Variants in OR9Q1 observed in about 807,000 individuals in gnomAD.
OR9Q1 encodes the protein olfactory receptor family 9 subfamily Q member 1, also known as olfactory receptor 9Q1.
For synonymous variants in OR9Q1, 153 were observed against 148.6 expected, an observed-to-expected ratio of 1.03 and a Z score of -0.22; for missense variants, 374 against 378.8, an observed-to-expected ratio of 0.99 and a Z score of 0.11.
Position 58,176,288 on chromosome 11 carries a change from T to C in OR9Q1, c.-14-3143T>C, listed in dbSNP as rs540389006. Reference sequence around the variant, plus strand: ...CCATGCAGAACTAGGATTCAGGCCTTTTAAACCCCACTCAGTGGGTGCATG... The same window carrying C: ...CCATGCAGAACTAGGATTCAGGCCTCTTAAACCCCACTCAGTGGGTGCATG... On this transcript the variant is annotated intron_variant, in intron 2 of 2. Coordinates refer to ENST00000335397, the MANE Select transcript of OR9Q1 (RefSeq NM_001005212.4). Among the ~76,000 whole-genome samples the C allele has an allele frequency of 1.3e-3, 199 of 152,328 alleles. 2 individuals carry two copies. In the Middle Eastern group the frequency reaches 0.017, roughly 13 times the overall value.
chr11:58,024,936 T>C (rs1852956458), intron 1 of OR9Q1, among the ~76,000 whole-genome samples: 1 of 152,124 alleles, frequency 6.6e-6, no homozygotes, highest in Non-Finnish European at 1.5e-5. Context: ...TGGCACGGTG[T>C]GGAGGCTTTT....
intron 2 of OR9Q1, among the ~76,000 whole-genome samples, chr11:58,133,794 T>C (rs915364949): frequency 3.3e-5 from 5 of 152,138 alleles, no homozygotes; most frequent in Admixed American, 3.3e-4. Context: ...GCCATTGACG[T>C]TATAGAGAGA....
At chr11:58,104,952 C>T (rs1853826157) in intron 2 of OR9Q1, among the ~76,000 whole-genome samples, 4 of 152,018 alleles carry the variant, frequency 2.6e-5, no homozygotes, top group Admixed American at 2.6e-4. Flanking sequence ...CTGCAGAAAA[C>T]CTAACCAATT....
intron 2 of OR9Q1, chr11:58,078,671 G>A (rs1382824097): frequency 1.3e-5 from 2 of 152,134 alleles, no homozygotes; most frequent in African/African-American, 4.8e-5. Flanking sequence ...TGTGGACAAG[G>A]TATTATTCTT....
Position 58,096,367 on chromosome 11 carries a change from C to T in OR9Q1, c.-15+40420C>T, listed in dbSNP as rs547656377. Reference sequence around the variant, plus strand: ...CCAGAAAATCCCTTCCTGTCCCTGTCCAGACAATCATTCTTCCTCCACCCT... The same window carrying T: ...CCAGAAAATCCCTTCCTGTCCCTGTTCAGACAATCATTCTTCCTCCACCCT... On this transcript the variant is annotated intron_variant, in intron 2 of 2. Transcript: ENST00000335397. Among the ~76,000 whole-genome samples the T allele has an allele frequency of 1.2e-4, 19 of 152,286 alleles. No individual in the cohort carries two copies. The East Asian group carries it at 3.3e-3, about 26-fold the overall frequency.
chr11:58,129,423 A>C (rs1392689878), intron 2 of OR9Q1, among the ~76,000 whole-genome samples: 1 of 152,122 alleles, frequency 6.6e-6, no homozygotes, highest in Non-Finnish European at 1.5e-5. Flanking sequence ...AACCTACATC[A>C]GATTCTGTAA....
At chr11:58,071,546 T>C (rs1853488046) in intron 2 of OR9Q1, among the ~76,000 whole-genome samples, 1 of 151,986 alleles carries the variant, frequency 6.6e-6, no homozygotes, top group African/African-American at 2.4e-5. Context: ...GGAAAGAGCC[T>C]AGCGAAGTAG....
chr11:58,145,524 T>C (rs189999488), intron 2 of OR9Q1: 1 of 152,246 alleles, frequency 6.6e-6, no homozygotes, highest in African/African-American at 2.4e-5. Flanking sequence ...TACAAAGACA[T>C]ATTGAGGCAG....
At chr11:58,138,927 C>A (rs1395003754) in intron 2 of OR9Q1, among the ~76,000 whole-genome samples, 1 of 152,098 alleles carries the variant, frequency 6.6e-6, no homozygotes, top group Non-Finnish European at 1.5e-5. Context: ...ACCCCCCAAC[C>A]TCTGTAATGT....
chr11:58,143,539 T>C (rs142229153), intron 2 of OR9Q1, among the ~76,000 whole-genome samples: 2 of 152,342 alleles, frequency 1.3e-5, no homozygotes, highest in African/African-American at 4.8e-5. Context: ...GTCACTTTAC[T>C]TCTTTTGCCC....
intron 1 of OR9Q1, among the ~76,000 whole-genome samples, chr11:58,053,615 A>ATATATATATATAATATATATATATAAAT (rs1853292656): frequency 7.7e-5 from 2 of 26,084 alleles, no homozygotes; most frequent in African/African-American, 1.6e-4. Context: ...ATTAAAAAAT[A>ATATATATATATAATATATATATATAAAT]TATATATATA....
intron 2 of OR9Q1, among the ~76,000 whole-genome samples, chr11:58,066,933 C>T (rs951674340): frequency 2.0e-5 from 3 of 152,178 alleles, no homozygotes; most frequent in African/African-American, 4.8e-5. Flanking sequence ...TCAGTCTCAC[C>T]GGCACTGGGG....
chr11:58,091,593 T>C (rs1330930027), intron 2 of OR9Q1, among the ~76,000 whole-genome samples: 1 of 152,200 alleles, frequency 6.6e-6, no homozygotes, highest in East Asian at 1.9e-4. Context: ...ATATGTGCAA[T>C]GTGATGCTGA....
intron 2 of OR9Q1, among the ~76,000 whole-genome samples, chr11:58,140,881 A>G (rs1024727885): frequency 1.2e-4 from 19 of 152,186 alleles, no homozygotes; most frequent in Non-Finnish European, 2.6e-4. Flanking sequence ...CTTGGGCAGT[A>G]TGGCCATTTT....
At chr11:58,039,109 C>A (rs979476040) in intron 1 of OR9Q1, among the ~76,000 whole-genome samples, 96 of 152,284 alleles carry the variant, frequency 6.3e-4, no homozygotes, top group African/African-American at 2.2e-3. Context: ...CCTGCCTCAG[C>A]CTCCCAAGTA....
intron 2 of OR9Q1, among the ~76,000 whole-genome samples, chr11:58,102,319 G>C (rs1169389009): frequency 6.6e-6 from 1 of 151,728 alleles, no homozygotes; most frequent in East Asian, 1.9e-4. Flanking sequence ...GTGTTTTTCT[G>C]TATTGATAAG....
In OR9Q1 at chr11:58,083,026, C is replaced by T. The variant is rs1853604230; in HGVS notation, c.-15+27079C>T. On this transcript the variant is annotated intron_variant, in intron 2 of 2. Coordinates refer to ENST00000335397, the MANE Select transcript of OR9Q1 (RefSeq NM_001005212.4). Reference sequence around the variant, plus strand: ...GAAGCTCTTTAGTTTAATTAGATCCCATTTGTCTATTTTGGCTTTTGTTGC... The same window carrying T: ...GAAGCTCTTTAGTTTAATTAGATCCTATTTGTCTATTTTGGCTTTTGTTGC... Among the ~76,000 whole-genome samples, 5 of 151,636 alleles carry T rather than the reference C, an allele frequency of 3.3e-5. No homozygotes were observed. The South Asian group carries it at 8.4e-4, about 25-fold the overall frequency.
At chr11:58,112,099 C>G (rs11229256) in intron 2 of OR9Q1, among the ~76,000 whole-genome samples, 1 of 151,586 alleles carries the variant, frequency 6.6e-6, no homozygotes. Flanking sequence ...ACCAGCCTGG[C>G]CACCATGGTG....
In OR9Q1 at chr11:58,151,135, G is replaced by T. The variant is rs555520594; in HGVS notation, c.-14-28296G>T. Among the ~76,000 whole-genome samples the T allele has an allele frequency of 2.5e-3, 386 of 152,250 alleles. 3 individuals carry two copies. Among genetic ancestry groups the T allele is most frequent in the Non-Finnish European group, 2.5e-3 (167 of 68,026 alleles). ...GACCCAACTTTATTCTTTTGCGTGGGTTATCCAGTTTCCCTAGCATCGTTT... is the reference window on the plus strand; with the variant it reads ...GACCCAACTTTATTCTTTTGCGTGGTTTATCCAGTTTCCCTAGCATCGTTT... On this transcript the variant is annotated intron_variant, in intron 2 of 2. Transcript: ENST00000335397.
Sources: allele counts gnomAD v4.1 joint callset (sites outside exome capture counted in the v4.1 genomes callset), GRCh38; gene constraint gnomAD v4.1.1; transcripts MANE v1.5; gene names NCBI Gene and HGNC (gene_info 2026-07-23, HGNC 2026-07-21).